Variants in SLC30A7 observed in about 807,000 individuals in gnomAD.
The protein encoded by SLC30A7 is solute carrier family 30 member 7.
In SLC30A7, 35 loss-of-function variants were observed where a neutral mutation model predicts 46.0. The observed-to-expected ratio is 0.76, with a 90% CI of 0.58 to 1.01. The LOEUF (loss-of-function observed/expected upper bound fraction) is 1.01, where lower values mean the gene tolerates loss of function less well. SLC30A7 is among the 50% of genes least tolerant of loss of function. The pLI is 0.00. For synonymous variants in SLC30A7, 147 were observed against 157.8 expected, an observed-to-expected ratio of 0.93 and a Z score of 0.51; for missense variants, 464 against 451.1, an observed-to-expected ratio of 1.03 and a Z score of -0.26.
chr1:100,985,706 A>C (rs7518380), downstream of SLC30A7, among the ~76,000 whole-genome samples: 28,667 of 128,092 alleles, frequency 0.22, 3,100 homozygotes, highest in African/African-American at 0.33. Context: ...CATTTACATG[A>C]AAAAAAAAAA....
chr1:100,992,848 T>C, the SLC30A7 span: 2 of 657,530 alleles, frequency 3.0e-6, no homozygotes, highest in African/African-American at 1.8e-5. Flanking sequence ...GTCTACATTC[T>C]GTTTGATGTT....
downstream of SLC30A7, among the ~76,000 whole-genome samples, chr1:100,983,780 C>G (rs1280070849): frequency 2.0e-5 from 3 of 152,184 alleles, no homozygotes; most frequent in African/African-American, 7.2e-5. Flanking sequence ...CACATATAAG[C>G]AGGAGCACTT....
chr1:100,994,662 G>A, the SLC30A7 span, among the ~76,000 whole-genome samples: 2 of 151,926 alleles, frequency 1.3e-5, no homozygotes, highest in African/African-American at 4.8e-5. Flanking sequence ...AAGTAGCTGA[G>A]ATTAAAGGCA....
At chr1:100,942,452 C>T (rs1433401529) in intron 8 of SLC30A7, among the ~76,000 whole-genome samples, 1 of 152,124 alleles carries the variant, frequency 6.6e-6, no homozygotes, top group Admixed American at 6.5e-5. Context: ...ACTCAAAGTG[C>T]TTTTTCTGTT....
At chr1:100,955,861 G>A (rs1004311272) in intron 8 of SLC30A7, among the ~76,000 whole-genome samples, 1 of 152,016 alleles carries the variant, frequency 6.6e-6, no homozygotes, top group Non-Finnish European at 1.5e-5. Flanking sequence ...GTGTGATTTA[G>A]CAAGTACCTT....
intron 8 of SLC30A7, among the ~76,000 whole-genome samples, chr1:100,957,449 T>G (rs898866250): frequency 3.9e-5 from 6 of 152,222 alleles, no homozygotes; most frequent in African/African-American, 1.4e-4. Context: ...CTAGTATTCT[T>G]TATAGTTTAA....
At chr1:100,957,983 A>G (rs1265942458) in intron 8 of SLC30A7, among the ~76,000 whole-genome samples, 2 of 152,110 alleles carry the variant, frequency 1.3e-5, no homozygotes, top group African/African-American at 2.4e-5. Flanking sequence ...TCAGCTATTT[A>G]ATAGCAACAC....
At chr1:100,965,998 A>G (rs915722869) in intron 10 of SLC30A7, 80 bp downstream of exon 10, 23 of 1,225,554 alleles carry the variant, frequency 1.9e-5, no homozygotes, top group African/African-American at 1.5e-4. Flanking sequence ...TACAAGGCCA[A>G]TGTGAGAGGA....
intron 6 of SLC30A7, among the ~76,000 whole-genome samples, chr1:100,915,103 C>A (rs887097007): frequency 6.6e-6 from 1 of 152,144 alleles, no homozygotes; most frequent in East Asian, 1.9e-4. Context: ...CTCCTACTCT[C>A]AATTCTTTCT....
downstream of SLC30A7, chr1:100,981,758 C>T (rs1000887846): frequency 3.3e-5 from 5 of 152,134 alleles, no homozygotes; most frequent in African/African-American, 1.2e-4. Flanking sequence ...AAAATCTCTA[C>T]CTGAATTGTG....
At position 100,965,739 on chromosome 1, in the gene SLC30A7, T is replaced by A. The variant is rs567473023; in HGVS notation, c.934-30T>A. 38 of 1,596,304 alleles carry A rather than the reference T, an allele frequency of 2.4e-5. 1 individual carries two copies. In the Admixed American group the frequency reaches 6.3e-4, roughly 27 times the overall value. ...TAAAAGGGAGTGCTTAACTTGATTA[T>A]GATGTTAATATCTCTCCTTTATATT... On this transcript the variant is annotated intron_variant, in intron 9 of 10. Transcript: ENST00000357650.
intron 8 of SLC30A7, 109 bp downstream of exon 8, chr1:100,921,950 C>CTTTTTTTTTTT (rs11166531): frequency 2.7e-6 from 1 of 364,118 alleles, no homozygotes; most frequent in African/African-American, 2.9e-5. Flanking sequence ...CCTTTGCTTG[C>CTTTTTTTTTTT]TTTTTTTTTT....
chr1:100,965,918 G>A lies in SLC30A7; in HGVS notation c.1083G>A (p.Gln361=), dbSNP rs1273788069. 6.2e-7 allele frequency: 1 copy of A among 1,601,492 alleles called. No homozygotes were observed. The highest frequency in any genetic ancestry group is 8.5e-7 in the Non-Finnish European group (1 of 1,176,324). The change falls in exon 10 of 11, where the codon CAG becomes CAA. Residue 361 remains glutamine, a splice_region_variant and synonymous_variant. Transcript: ENST00000357650. Reference sequence around the variant, plus strand: ...GCCAAACACATAATATTTTTACTCAGGTATGTCTTTTTTACTAACTTCTTT... The same window carrying A: ...GCCAAACACATAATATTTTTACTCAAGTATGTCTTTTTTACTAACTTCTTT... ...ILSQTHNIFT[Q]AGVRQLYVQI... is the part of the protein sequence containing the mutation.
intron 8 of SLC30A7, among the ~76,000 whole-genome samples, chr1:100,932,676 CT>C (rs1193252368): frequency 6.6e-6 from 1 of 152,022 alleles, no homozygotes; most frequent in African/African-American, 2.4e-5. Context: ...TTTAAGGAAA[CT>C]TACTGGGAGT....
At position 100,922,118 on chromosome 1, in the gene SLC30A7, T is replaced by C. The variant is rs577238875; in HGVS notation, c.842+277T>C. Among the ~76,000 whole-genome samples, 151 of 151,996 alleles carry C rather than the reference T, an allele frequency of 9.9e-4. No individual in the cohort carries two copies. The Middle Eastern group carries it at 0.017, about 17-fold the overall frequency. The stretch of plus-strand genomic sequence containing the variant: ...ACAGACAACTGCAACCAGCTGTACG[T>C]TAGTGCCCAGCTAATTTTTGTATTT... On this transcript the variant is annotated intron_variant, in intron 8 of 10. Coordinates refer to ENST00000357650, the MANE Select transcript of SLC30A7 (RefSeq NM_133496.5).
intron 2 of SLC30A7, among the ~76,000 whole-genome samples, chr1:100,905,491 CCTTT>C (rs1276567563): frequency 6.6e-6 from 1 of 151,772 alleles, no homozygotes; most frequent in Non-Finnish European, 1.5e-5. Context: ...TTTTCCTATC[CCTTT>C]CTTTTTTTCT....
rs1312896715 is a variant in SLC30A7, at chr1:100,913,784, A to G, written c.633A>G (p.Gly211=). The change falls in exon 6 of 11, where the codon GGA becomes GGG. Residue 211 remains glycine, a synonymous_variant. Coordinates refer to ENST00000357650, the MANE Select transcript of SLC30A7 (RefSeq NM_133496.5). The stretch of plus-strand genomic sequence containing the variant: ...CACATAGCCATGATCATGCTCATGG[A>G]CATGGACACTTTCATTCTCATGGTG... ...GAAHSHDHAH[G]HGHFHSHDGP... The G allele has an allele frequency of 1.7e-5, 28 of 1,612,110 alleles. No individual in the cohort carries two copies. Among genetic ancestry groups the G allele is most frequent in the Non-Finnish European group, 2.4e-5 (28 of 1,178,154 alleles).
intron 5 of SLC30A7, 117 bp from the exon 6 acceptor site, chr1:100,913,546 A>G (rs17123502): frequency 0.013 from 9,254 of 724,806 alleles, 211 homozygotes; most frequent in South Asian, 0.067. Context: ...TTACAAGTAA[A>G]TGTTTATTGA....
At chr1:100,909,749 A>G (rs1651959498) in intron 3 of SLC30A7, among the ~76,000 whole-genome samples, 1 of 152,142 alleles carries the variant, frequency 6.6e-6, no homozygotes, top group Non-Finnish European at 1.5e-5. Flanking sequence ...AGAAACAAAA[A>G]GATGCCTGAA....
Sources: allele counts gnomAD v4.1 joint callset (sites outside exome capture counted in the v4.1 genomes callset), GRCh38; gene constraint gnomAD v4.1.1; transcripts MANE v1.5; gene names NCBI Gene and HGNC (gene_info 2026-07-23, HGNC 2026-07-21).